Variants in LEMD1 observed in about 807,000 individuals in gnomAD.
LEMD1 encodes the protein LEM domain containing 1.
A neutral mutation model predicts 17.4 loss-of-function variants in LEMD1; 18 were observed. The observed-to-expected ratio is 1.04, with a 90% CI of 0.72 to 1.54. The LOEUF (loss-of-function observed/expected upper bound fraction) is 1.54. Ranked by LOEUF, LEMD1 falls within the 40% of genes most tolerant of loss-of-function variation. The probability of loss-of-function intolerance (pLI) is 0.00; values close to 1 mark genes in which losing one functional copy is unlikely to be tolerated. For missense variants in LEMD1, 195 were observed against 210.4 expected (o/e 0.93, Z 0.45); for synonymous variants, 88 against 77.8 (o/e 1.13, Z -0.69).
intron 1 of LEMD1, chr1:205,440,531 C>T (rs1036609253): frequency 1.3e-5 from 2 of 152,328 alleles, no homozygotes; most frequent in African/African-American, 4.8e-5. Flanking sequence ...CATTTAGCAA[C>T]AGCTCTCCTA....
At chr1:205,434,715 C>T (rs1232692669) in intron 1 of LEMD1, among the ~76,000 whole-genome samples, 1 of 152,110 alleles carries the variant, frequency 6.6e-6, no homozygotes, top group African/African-American at 2.4e-5. Context: ...GCCCCAACAC[C>T]TCACTTTATG....
At chr1:205,383,949 A>AT (rs112731126) in intron 5 of LEMD1, among the ~76,000 whole-genome samples, 7,498 of 130,782 alleles carry the variant, frequency 0.057, 229 homozygotes, top group African/African-American at 0.094. Context: ...TATCCTTTAC[A>AT]TTTTTTTTTT....
rs771035961 is a variant in LEMD1, at chr1:205,420,436, T to C, written c.82+19A>G. 11 of 1,588,096 alleles carry C rather than the reference T, an allele frequency of 6.9e-6. No homozygotes were observed. The highest frequency in any genetic ancestry group is 9.5e-6 in the Non-Finnish European group (11 of 1,156,692). Reference sequence around the variant, plus strand: ...CCATAAATGACAAGTCTGTAATATTTGCTGCATACTGTACATACGTAGTAT... The same window carrying C: ...CCATAAATGACAAGTCTGTAATATTCGCTGCATACTGTACATACGTAGTAT... On this transcript the variant is annotated intron_variant, in intron 2 of 5. Transcript: ENST00000367153.
At chr1:205,436,324 A>T (rs1666203709) in intron 1 of LEMD1, 1 of 152,286 alleles carries the variant, frequency 6.6e-6, no homozygotes, top group South Asian at 2.1e-4. Context: ...TCCTCCAGGG[A>T]TGCCCTGGGC....
chr1:205,434,843 G>A (rs935989417), intron 1 of LEMD1: 1 of 152,168 alleles, frequency 6.6e-6, no homozygotes, highest in African/African-American at 2.4e-5. Flanking sequence ...AAACACGGAT[G>A]CCCCTTCTAC....
At chr1:205,405,286 C>A (rs1406373965) in intron 4 of LEMD1, among the ~76,000 whole-genome samples, 3 of 150,224 alleles carry the variant, frequency 2.0e-5, no homozygotes, top group Non-Finnish European at 4.4e-5. Context: ...TGGATAATAT[C>A]CTGCAGAGTA....
chr1:205,427,671 C>T (rs151042364), intron 1 of LEMD1, among the ~76,000 whole-genome samples: 1 of 152,212 alleles, frequency 6.6e-6, no homozygotes, highest in African/African-American at 2.4e-5. Context: ...TGTTGAATTC[C>T]CATGGCTTAA....
At chr1:205,399,945 T>C (rs1558718086) in intron 4 of LEMD1, among the ~76,000 whole-genome samples, 1 of 152,130 alleles carries the variant, frequency 6.6e-6, no homozygotes, top group Non-Finnish European at 1.5e-5. Context: ...TCAGGCAGAG[T>C]GCTCTACAGA....
chr1:205,395,937 A>G (rs1383234688), intron 4 of LEMD1, among the ~76,000 whole-genome samples: 1 of 152,226 alleles, frequency 6.6e-6, no homozygotes, highest in Non-Finnish European at 1.5e-5. Context: ...ATAAAATACC[A>G]TCTTACACCC....
chr1:205,420,368 G>T, intron 2 of LEMD1, 87 bp downstream of exon 2: 2 of 985,152 alleles, frequency 2.0e-6, no homozygotes, highest in East Asian at 2.4e-5. Context: ...CTATTTTAAT[G>T]GCTTTACTGC....
At chr1:205,392,349 G>A (rs537478651) in intron 4 of LEMD1, among the ~76,000 whole-genome samples, 162 of 150,952 alleles carry the variant, frequency 1.1e-3, no homozygotes, top group Non-Finnish European at 1.9e-3. Context: ...GACAGCCTGC[G>A]CAGCAAAGCA....
chr1:205,419,677 G>A (rs374320198), intron 2 of LEMD1, among the ~76,000 whole-genome samples: 1 of 152,172 alleles, frequency 6.6e-6, no homozygotes, highest in African/African-American at 2.4e-5. Context: ...TGTTGGCCAG[G>A]CTGATCTTGA....
rs1666433339 is a variant in LEMD1, at chr1:205,448,086, G to A, written c.-39+1782C>T. On this transcript the variant is annotated intron_variant, in intron 1 of 3. Coordinates refer to the LEMD1 transcript ENST00000367154. The surrounding 1 kb of genome is among the most constrained non-coding windows in gnomAD (Gnocchi z 4.7). Reference sequence around the variant, plus strand: ...TGAAGGTCTCCTTCCTTCCTCAGAGGGAATCTCCCTCTGGAATCACCGGCC... The same window carrying A: ...TGAAGGTCTCCTTCCTTCCTCAGAGAGAATCTCCCTCTGGAATCACCGGCC... Among the ~76,000 whole-genome samples the A allele has an allele frequency of 1.3e-5, 2 of 152,156 alleles. No individual in the cohort carries two copies. The highest frequency in any genetic ancestry group is 4.8e-5 in the African/African-American group (2 of 41,436).
upstream of LEMD1, among the ~76,000 whole-genome samples, chr1:205,424,961 C>T (rs1195254181): frequency 2.0e-5 from 3 of 152,188 alleles, no homozygotes; most frequent in African/African-American, 7.2e-5. Flanking sequence ...GAGATGATTC[C>T]ATTTGGGGGA....
chr1:205,399,657 G>T (rs1192905419), intron 4 of LEMD1, among the ~76,000 whole-genome samples: 3 of 152,222 alleles, frequency 2.0e-5, no homozygotes, highest in Non-Finnish European at 4.4e-5. Flanking sequence ...TAATGATGAG[G>T]ACATGTCAAA....
Position 205,396,870 on chromosome 1 carries a change from GATTT to G in LEMD1, c.271-12510_271-12507del, listed in dbSNP as rs1293695586. Among the ~76,000 whole-genome samples the G allele has an allele frequency of 3.3e-5, 5 of 152,172 alleles. 1 individual carries two copies. The highest frequency in any genetic ancestry group is 3.3e-4 in the Admixed American group (5 of 15,276). On this transcript the variant is annotated intron_variant, in intron 4 of 5. Coordinates refer to ENST00000367153, the MANE Select transcript of LEMD1 (RefSeq NM_001199050.2). ...TGGGGGCTTCAGCTGATTCAGCAAT[GATTT>G]ATTTTTCAATCTTTTGGGTGGGAAT...
chr1:205,382,670 T>C (rs1291130523), intron 5 of LEMD1, among the ~76,000 whole-genome samples: 3 of 152,194 alleles, frequency 2.0e-5, no homozygotes, highest in Non-Finnish European at 4.4e-5. Context: ...CACTTCTCAA[T>C]GCCGGCATAA....
At chr1:205,426,689 G>A (rs767319684), upstream of LEMD1, among the ~76,000 whole-genome samples, 5 of 152,168 alleles carry the variant, frequency 3.3e-5, no homozygotes, top group Admixed American at 6.5e-5. Flanking sequence ...GGATGGATAC[G>A]GTTGAACTAG....
Position 205,448,411 on chromosome 1 carries a change from G to A in LEMD1, c.-39+1457C>T, listed in dbSNP as rs773006338. On this transcript the variant is annotated intron_variant, in intron 1 of 3. Coordinates refer to the LEMD1 transcript ENST00000367154. The surrounding 1 kb of genome is among the most constrained non-coding windows in gnomAD (Gnocchi z 4.7). Reference sequence around the variant, plus strand: ...CCACAGCAGAGTGGAGGGGTCCAGCGGCAGGAATCTCATAGGGAAGCGAGA... The same window carrying A: ...CCACAGCAGAGTGGAGGGGTCCAGCAGCAGGAATCTCATAGGGAAGCGAGA... 1.3e-5 allele frequency: 7 copies of A among 533,708 alleles called. No homozygotes were observed. The highest frequency in any genetic ancestry group is 9.7e-5 in the Admixed American group (5 of 51,440). The allele number at this position is 533,708 out of a possible 1,614,324, so 33.1% of individuals were successfully genotyped here. A position where few individuals can be genotyped will look rare whatever the true frequency, so the allele number is the denominator to read the frequency against.
Sources: gnomAD v4.1 joint callset for allele counts (sites outside exome capture counted in the v4.1 genomes callset) on GRCh38, gnomAD v4.1.1 for gene constraint, Gnocchi (gnomAD v3.1) non-coding constraint, MANE v1.5 for transcripts, NCBI Gene and HGNC (gene_info 2026-07-23, HGNC 2026-07-21) for gene names.